Variants in ROBO2 observed in about 807,000 individuals in gnomAD.
ROBO2 encodes the protein roundabout guidance receptor 2.
ROBO2 carries 53 observed loss-of-function variants against 160.8 expected under a neutral mutation model. The ratio of observed to expected loss-of-function variants is 0.33; its 90% CI spans 0.26 to 0.41. The LOEUF is 0.41. ROBO2 is among the 10% of genes least tolerant of loss of function. The pLI, the probability that ROBO2 is intolerant of heterozygous loss-of-function variation, is 1.00. For missense variants in ROBO2, 1,577 were observed against 1,722.4 expected (o/e 0.92, Z 1.49); for synonymous variants, 664 against 611.7 (o/e 1.09, Z -1.26).
intron 2 of ROBO2, among the ~76,000 whole-genome samples, chr3:76,807,849 A>C (rs1195002123): frequency 6.6e-6 from 1 of 152,046 alleles, no homozygotes; most frequent in Admixed American, 6.6e-5. Context: ...AATTATGATG[A>C]GGTTCTCATC....
chr3:77,479,262 T>A (rs929721807), intron 3 of ROBO2, among the ~76,000 whole-genome samples: 2 of 152,176 alleles, frequency 1.3e-5, no homozygotes, highest in African/African-American at 4.8e-5. Context: ...CCAAGAAGAA[T>A]AGTTGAACAG....
chr3:77,058,919 T>C (rs1386537212), intron 1 of ROBO2, among the ~76,000 whole-genome samples: 6 of 152,182 alleles, frequency 3.9e-5, no homozygotes, highest in Admixed American at 6.6e-5. Flanking sequence ...CACAATCACA[T>C]GTATATATTA....
In ROBO2 at chr3:76,639,330, ATG is replaced by A. The variant is rs201890668; in HGVS notation, c.110-458674_110-458673del. Reference sequence around the variant, plus strand: ...TATGTATCTATATGGACATGTATATATGTGTGTGTGTATGTATATGTACATGC... The same window carrying A: ...TATGTATCTATATGGACATGTATATATGTGTGTGTATGTATATGTACATGC... On this transcript the variant is annotated intron_variant, in intron 2 of 26. Coordinates refer to the ROBO2 transcript ENST00000487694. Among the ~76,000 whole-genome samples the A allele has an allele frequency of 4.0e-3, 593 of 148,730 alleles. 1 individual carries two copies. Among genetic ancestry groups the A allele is most frequent in the Non-Finnish European group, 5.7e-3 (386 of 67,964 alleles).
At chr3:77,101,117 G>A (rs2071863461) in intron 2 of ROBO2, among the ~76,000 whole-genome samples, 1 of 152,212 alleles carries the variant, frequency 6.6e-6, no homozygotes, top group South Asian at 2.1e-4. Context: ...TTAAAGGTAT[G>A]ATGATTGAAG....
chr3:77,203,610 T>C (rs1432618895), intron 2 of ROBO2, among the ~76,000 whole-genome samples: 1 of 152,224 alleles, frequency 6.6e-6, no homozygotes, highest in Non-Finnish European at 1.5e-5. Flanking sequence ...AGAAACCAAA[T>C]GCCAATTTAT....
intron 2 of ROBO2, among the ~76,000 whole-genome samples, chr3:76,840,609 CAA>C (rs556004157): frequency 2.5e-5 from 3 of 119,954 alleles, no homozygotes; most frequent in Non-Finnish European, 5.2e-5. Context: ...GACTCTGTCT[CAA>C]AAAAAAAAAT....
At chr3:77,345,110 G>C (rs1460302516) in intron 2 of ROBO2, among the ~76,000 whole-genome samples, 2 of 152,078 alleles carry the variant, frequency 1.3e-5, no homozygotes, top group African/African-American at 4.8e-5. Flanking sequence ...TGAGATTTGA[G>C]TTAAGATGTC....
intron 2 of ROBO2, among the ~76,000 whole-genome samples, chr3:77,280,325 G>A (rs755351177): frequency 6.6e-6 from 1 of 152,158 alleles, no homozygotes; most frequent in South Asian, 2.1e-4. Flanking sequence ...TATGTTCCCT[G>A]CAAAATGGTT....
At chr3:77,291,361 A>G (rs1325793771) in intron 2 of ROBO2, among the ~76,000 whole-genome samples, 6 of 151,980 alleles carry the variant, frequency 3.9e-5, no homozygotes, top group Admixed American at 1.3e-4. Flanking sequence ...TTGACGGTTA[A>G]ATGGGTAAGC....
intron 2 of ROBO2, among the ~76,000 whole-genome samples, chr3:76,817,461 T>C (rs1158765498): frequency 1.3e-5 from 2 of 151,896 alleles, no homozygotes; most frequent in Non-Finnish European, 2.9e-5. Context: ...TGGTAAAGAG[T>C]GATAATGAAA....
At chr3:77,420,673 T>C (rs572679463) in intron 2 of ROBO2, among the ~76,000 whole-genome samples, 2 of 152,258 alleles carry the variant, frequency 1.3e-5, no homozygotes, top group African/African-American at 2.4e-5. Context: ...TGGTCAGATA[T>C]TCATATAGAA....
Position 77,610,126 on chromosome 3 carries a change from A to G in ROBO2, c.3293+2172A>G, listed in dbSNP as rs76214806. Among the ~76,000 whole-genome samples the G allele has an allele frequency of 5.9e-5, 9 of 151,998 alleles. No individual in the cohort carries two copies. The East Asian group carries it at 1.7e-3, about 29-fold the overall frequency. On this transcript the variant is annotated intron_variant, in intron 21 of 25. Transcript: ENST00000461745. ...ATTCTTTATACTTTTATATTTTCTA[A>G]TCGGTAAACCATATGATACTGAAAA... is the stretch of plus-strand genomic sequence containing the variant.
intron 2 of ROBO2, among the ~76,000 whole-genome samples, chr3:76,008,351 G>GT (rs1368674378): frequency 2.0e-5 from 3 of 150,284 alleles, no homozygotes; most frequent in East Asian, 2.0e-4. Flanking sequence ...ATAAAGACTT[G>GT]TTTTTTTAAA....
At chr3:77,254,061 A>T (rs6797518) in intron 2 of ROBO2, among the ~76,000 whole-genome samples, 28,818 of 152,072 alleles carry the variant, frequency 0.19, 3,415 homozygotes, top group East Asian at 0.64. Context: ...TTTCCTTTAA[A>T]GATATATAGC....
chr3:76,182,822 A>G (rs1374284773), intron 2 of ROBO2, among the ~76,000 whole-genome samples: 1 of 152,150 alleles, frequency 6.6e-6, no homozygotes, highest in Non-Finnish European at 1.5e-5. Context: ...TGATTTGAAC[A>G]AAAAGTGGTT....
At chr3:76,432,816 C>A (rs2076496986) in intron 2 of ROBO2, among the ~76,000 whole-genome samples, 3 of 150,576 alleles carry the variant, frequency 2.0e-5, no homozygotes, top group Admixed American at 1.3e-4. Context: ...TGGGGGCTAT[C>A]TTTGAGGCTA....
chr3:75,990,488 A>AG (rs1406643511), intron 2 of ROBO2, among the ~76,000 whole-genome samples: 1 of 152,198 alleles, frequency 6.6e-6, no homozygotes, highest in Non-Finnish European at 1.5e-5. Context: ...GGATAGATTG[A>AG]GGTGGAGTGC....
At chr3:76,691,902 C>A (rs752217222) in intron 2 of ROBO2, among the ~76,000 whole-genome samples, 1 of 152,086 alleles carries the variant, frequency 6.6e-6, no homozygotes, top group Non-Finnish European at 1.5e-5. Flanking sequence ...CGAACAATCA[C>A]GAGTGGAGAA....
At chr3:76,559,371 T>C (rs1237826309) in intron 2 of ROBO2, among the ~76,000 whole-genome samples, 1 of 152,210 alleles carries the variant, frequency 6.6e-6, no homozygotes, top group African/African-American at 2.4e-5. Flanking sequence ...ATAATTTAGA[T>C]CATGCATTGC....
Sources: gnomAD v4.1 joint callset for allele counts (sites outside exome capture counted in the v4.1 genomes callset) on GRCh38, gnomAD v4.1.1 for gene constraint, MANE v1.5 for transcripts, NCBI Gene and HGNC (gene_info 2026-07-23, HGNC 2026-07-21) for gene names.